TTLL5: variants seen among roughly 807,000 people sequenced by gnomAD.
TTLL5 encodes tubulin polyglutamylase TTLL5.
In TTLL5, 132 loss-of-function variants were observed where a neutral mutation model predicts 168.4. The ratio of observed to expected loss-of-function variants is 0.78; its 90% CI spans 0.68 to 0.91. TTLL5 has a LOEUF of 0.91. TTLL5 is among the 40% of genes least tolerant of loss of function. TTLL5 has a pLI of 0.00. For synonymous variants in TTLL5, 546 were observed against 558.6 expected, an observed-to-expected ratio of 0.98 and a Z score of 0.32; for missense variants, 1,545 against 1,581.5, an observed-to-expected ratio of 0.98 and a Z score of 0.39.
chr14:75,933,800 C>T (rs4899575), intron 31 of TTLL5, among the ~76,000 whole-genome samples: 120,144 of 152,166 alleles, frequency 0.79, 47,559 homozygotes, highest in Admixed American at 0.83. Context: ...TGAGGCCATG[C>T]GGCAGGGCCC....
intron 28 of TTLL5, 35 bp from the exon 29 acceptor site, chr14:75,863,632 C>T: frequency 3.9e-6 from 6 of 1,555,300 alleles, no homozygotes; most frequent in Non-Finnish European, 5.2e-6. Flanking sequence ...CATACAGCCA[C>T]TCACTCTAAG....
At chr14:75,720,182 A>G (rs1887752266) in intron 11 of TTLL5, among the ~76,000 whole-genome samples, 1 of 152,142 alleles carries the variant, frequency 6.6e-6, no homozygotes, top group East Asian at 1.9e-4. Flanking sequence ...TCTCTCATTC[A>G]TGTTGCTGAG....
intron 15 of TTLL5, among the ~76,000 whole-genome samples, 190 bp from the exon 16 acceptor site, chr14:75,744,905 G>A (rs988837604): frequency 6.6e-6 from 1 of 151,896 alleles, no homozygotes; most frequent in Admixed American, 6.6e-5. Context: ...TTCTCCTCTT[G>A]CCTTTGAGTT....
chr14:75,709,320 T>C, intron 9 of TTLL5: 1 of 680,200 alleles, frequency 1.5e-6, no homozygotes, highest in South Asian at 1.5e-5. Flanking sequence ...TTAGTTTTTT[T>C]CACATGTATC....
intron 2 of TTLL5, 122 bp downstream of exon 2, chr14:75,663,345 C>G: frequency 1.0e-6 from 1 of 963,926 alleles, no homozygotes; most frequent in East Asian, 2.6e-5. Context: ...TAGTGTCATT[C>G]CTTGGGGATT....
rs563493695 is a variant in TTLL5 at position 75,753,694 on chromosome 14, T to G, written c.1550+739T>G. On this transcript the variant is annotated intron_variant, in intron 18 of 31. Coordinates refer to ENST00000298832, the MANE Select transcript of TTLL5 (RefSeq NM_015072.5). The stretch of plus-strand genomic sequence containing the variant: ...GATTTGCAATTTGTCTCTGTAAATT[T>G]GTGGTAATTACGATTGATTAATCAC... 5.6e-4 allele frequency among the ~76,000 whole-genome samples: 85 copies of G among 152,338 alleles called. No homozygotes were observed. In the South Asian group the frequency reaches 0.011, roughly 20 times the overall value.
chr14:75,687,507 C>T (rs543177927), intron 5 of TTLL5, among the ~76,000 whole-genome samples: 1 of 152,234 alleles, frequency 6.6e-6, no homozygotes, highest in Admixed American at 6.5e-5. Context: ...CTCCTGACCT[C>T]AAATGATCCA....
intron 9 of TTLL5, chr14:75,710,578 G>A (rs1310025992): frequency 6.6e-6 from 1 of 152,204 alleles, no homozygotes; most frequent in African/African-American, 2.4e-5. Flanking sequence ...CTTTATCAAA[G>A]CTTTACAAAA....
chr14:75,861,374 G>T (rs2029986490), intron 28 of TTLL5, among the ~76,000 whole-genome samples: 2 of 152,138 alleles, frequency 1.3e-5, no homozygotes, highest in South Asian at 4.1e-4. Flanking sequence ...GAGGGCACAG[G>T]CAACAGAGGA....
chr14:75,917,535 G>A (rs1461160099), intron 31 of TTLL5, among the ~76,000 whole-genome samples: 1 of 152,228 alleles, frequency 6.6e-6, no homozygotes. Context: ...TCATTAGGGG[G>A]ATGCCTGGCA....
rs191423111 is a variant in TTLL5, at chr14:75,824,743, T to A, written c.3326+4582T>A. On this transcript the variant is annotated intron_variant, in intron 28 of 31. Transcript: ENST00000298832. ...AAATTATGTGTTTTTTTTTTTTTTT[T>A]AAACAAAGAAGAGTATGTAAGGATT... Among the ~76,000 whole-genome samples, 9 of 150,226 alleles carry A rather than the reference T, an allele frequency of 6.0e-5. 1 individual carries two copies. The South Asian group carries it at 6.3e-4, about 11-fold the overall frequency.
intron 22 of TTLL5, 79 bp downstream of exon 22, chr14:75,775,709 A>G (rs1380072232): frequency 9.9e-6 from 15 of 1,518,184 alleles, no homozygotes; most frequent in African/African-American, 8.3e-5. Flanking sequence ...CCTCTGTCCA[A>G]CTGGATGGAG....
chr14:75,665,930 G>A (rs1038937746), intron 2 of TTLL5, among the ~76,000 whole-genome samples: 2 of 152,132 alleles, frequency 1.3e-5, no homozygotes, highest in Non-Finnish European at 2.9e-5. Flanking sequence ...ACTATGGTTC[G>A]TTGCCTATAT....
At chr14:75,914,017 G>GAA (rs1201862659) in intron 31 of TTLL5, among the ~76,000 whole-genome samples, 311 of 31,054 alleles carry the variant, frequency 0.01, 15 homozygotes, top group Non-Finnish European at 0.011. Context: ...TGTTTAAAAG[G>GAA]AAAAAAAAAA....
intron 21 of TTLL5, among the ~76,000 whole-genome samples, chr14:75,773,944 AG>A (rs1891520672): frequency 7.0e-5 from 3 of 42,664 alleles, no homozygotes; most frequent in African/African-American, 2.1e-4. Context: ...AGAGAGAGAG[AG>A]AGAGAGAGAG....
At position 75,928,112 on chromosome 14, in the gene TTLL5, G is replaced by A. The variant is rs146719926; in HGVS notation, c.3823+25888G>A. On this transcript the variant is annotated intron_variant, in intron 31 of 31. Transcript: ENST00000298832. ...ATGGAGCACCAGAGATTGTCTGTAGGCGAAACCCTTTCCAACCAAACCCAA... is the reference window on the plus strand; with the variant it reads ...ATGGAGCACCAGAGATTGTCTGTAGACGAAACCCTTTCCAACCAAACCCAA... 1.5e-3 allele frequency among the ~76,000 whole-genome samples: 224 copies of A among 151,872 alleles called. 4 individuals carry two copies. The South Asian group carries it at 0.026, about 18-fold the overall frequency.
chr14:75,809,778 C>T (rs770999715), intron 27 of TTLL5, among the ~76,000 whole-genome samples: 11 of 152,114 alleles, frequency 7.2e-5, no homozygotes, highest in Non-Finnish European at 1.2e-4. Flanking sequence ...TCCATGAAAT[C>T]CACTCTTTTA....
intron 17 of TTLL5, among the ~76,000 whole-genome samples, chr14:75,750,020 A>G (rs1889851254): frequency 1.3e-5 from 2 of 152,220 alleles, no homozygotes; most frequent in African/African-American, 4.8e-5. Context: ...TGTACTTTGT[A>G]TACTTCATTG....
intron 27 of TTLL5, among the ~76,000 whole-genome samples, chr14:75,801,888 G>T (rs1162657193): frequency 6.6e-6 from 1 of 152,172 alleles, no homozygotes; most frequent in Non-Finnish European, 1.5e-5. Context: ...CTAGAAAGAG[G>T]TAGATTTCCA....
Sources: allele counts gnomAD v4.1 joint callset (sites outside exome capture counted in the v4.1 genomes callset), GRCh38; gene constraint gnomAD v4.1.1; transcripts MANE v1.5; gene names NCBI Gene and HGNC (gene_info 2026-07-23, HGNC 2026-07-21).